The following NKAIN3 variants were observed in gnomAD, a reference collection of about 807,000 sequenced individuals.
NKAIN3 encodes sodium/potassium-transporting ATPase subunit beta-1-interacting protein 3.
In NKAIN3, 25 loss-of-function variants were observed where a neutral mutation model predicts 30.2. The ratio of observed to expected loss-of-function variants is 0.83; its 90% CI spans 0.60 to 1.16. NKAIN3 has a LOEUF of 1.16. Among genes scored for constraint, NKAIN3 ranks in the 50% most tolerant of loss-of-function variants. NKAIN3 has a pLI of 0.00. For missense variants in NKAIN3, 225 were observed against 254.1 expected (o/e 0.89, Z 0.78); for synonymous variants, 91 against 89.6 (o/e 1.02, Z -0.09).
chr8:62,511,981 G>T (rs1807824992), intron 1 of NKAIN3, among the ~76,000 whole-genome samples: 1 of 152,124 alleles, frequency 6.6e-6, no homozygotes, highest in Non-Finnish European at 1.5e-5. Context: ...AGTCATCTCT[G>T]TAAGAGCAGC....
intron 3 of NKAIN3, among the ~76,000 whole-genome samples, chr8:62,674,902 G>C (rs1333175070): frequency 6.6e-6 from 1 of 152,164 alleles, no homozygotes; most frequent in Non-Finnish European, 1.5e-5. Context: ...AATTAAAGTG[G>C]GGGACAGGTC....
At chr8:62,863,187 C>T in intron 4 of NKAIN3, 4 of 1,539,020 alleles carry the variant, frequency 2.6e-6, no homozygotes, top group Non-Finnish European at 3.6e-6. Flanking sequence ...ATTCTTCTAT[C>T]TCCTGCAGGC....
intron 3 of NKAIN3, among the ~76,000 whole-genome samples, chr8:62,714,337 G>GA (rs147395295): frequency 1.0e-4 from 15 of 149,016 alleles, no homozygotes; most frequent in Admixed American, 4.0e-4. Context: ...AAATAAAAAA[G>GA]AAAAAAAAAT....
chr8:62,464,767 G>A (rs1003021769), intron 1 of NKAIN3, among the ~76,000 whole-genome samples: 1 of 152,136 alleles, frequency 6.6e-6, no homozygotes, highest in Non-Finnish European at 1.5e-5. Context: ...GTTAAAAGTA[G>A]AATCTTTCTT....
In NKAIN3 at chr8:62,982,783, A is replaced by G. The variant is rs925682679; in HGVS notation, c.*17376A>G. The stretch of plus-strand genomic sequence containing the variant: ...TTTCACAGAAAAGAGAAGCATTTAT[A>G]GCAAGCATGGGTGTGGCATGCTTTC... On this transcript the variant is annotated 3_prime_UTR_variant, in exon 7 of 7. Transcript: ENST00000623646. 1 of 152,132 alleles carries G rather than the reference A, an allele frequency of 6.6e-6. No individual in the cohort carries two copies. The highest frequency in any genetic ancestry group is 6.5e-5 in the Admixed American group (1 of 15,280). 9.4% of individuals were successfully genotyped at this position (152,132 alleles called of 1,614,324 possible). A position where few individuals can be genotyped will look rare whatever the true frequency, so the allele number is the denominator to read the frequency against.
rs1469579974 is a variant in NKAIN3 at position 62,968,630 on chromosome 8, C to T, written c.*3223C>T. Among the ~76,000 whole-genome samples the T allele has an allele frequency of 6.6e-6, 1 of 152,194 alleles. No homozygotes were observed. The highest frequency in any genetic ancestry group is 2.4e-5 in the African/African-American group (1 of 41,446). ...AGATAGGACATCCACTGCTCTTTAG[C>T]TTCTAGTGCTGACTGGAATGGTGAA... On this transcript the variant is annotated 3_prime_UTR_variant, in exon 7 of 7. Transcript: ENST00000623646.
chr8:62,279,961 G>C (rs1813118157), intron 1 of NKAIN3, among the ~76,000 whole-genome samples: 1 of 152,108 alleles, frequency 6.6e-6, no homozygotes, highest in African/African-American at 2.4e-5. Context: ...AAATTACCTT[G>C]GGCAGTATGG....
rs528808333 is a variant in NKAIN3 at position 62,293,269 on chromosome 8, G to A, written c.54+44142G>A. 1.1e-4 allele frequency among the ~76,000 whole-genome samples: 17 copies of A among 152,260 alleles called. No individual in the cohort carries two copies. In the South Asian group the frequency reaches 1.2e-3, roughly 11 times the overall value. ...GTCATTCTCCGTCCAGCTTTGTTCC[G>A]TTGCTGGCGAGGAGCTGCGTTCCTT... On this transcript the variant is annotated intron_variant, in intron 1 of 6. Transcript: ENST00000623646.
chr8:62,881,704 T>C (rs1382763429), intron 4 of NKAIN3, among the ~76,000 whole-genome samples: 1 of 152,234 alleles, frequency 6.6e-6, no homozygotes, highest in Non-Finnish European at 1.5e-5. Flanking sequence ...AACAGCCATG[T>C]TCAGATTTTT....
At chr8:62,781,204 T>C (rs1194272805) in intron 4 of NKAIN3, among the ~76,000 whole-genome samples, 1 of 151,640 alleles carries the variant, frequency 6.6e-6, no homozygotes, top group Non-Finnish European at 1.5e-5. Context: ...AAATAAAATA[T>C]ATATGAATAA....
chr8:62,769,356 A>T (rs1431494621), intron 4 of NKAIN3, among the ~76,000 whole-genome samples: 1 of 152,230 alleles, frequency 6.6e-6, no homozygotes, highest in Non-Finnish European at 1.5e-5. Context: ...AATTCAAAAT[A>T]TCAATACATG....
intron 1 of NKAIN3, among the ~76,000 whole-genome samples, chr8:62,310,073 G>A (rs2129588581): frequency 6.6e-6 from 1 of 150,606 alleles, no homozygotes. Context: ...AGTGTAACTG[G>A]TTTGTTGCTG....
rs1165753604 is a variant in NKAIN3 at position 62,972,678 on chromosome 8, C to A, written c.*7271C>A. On this transcript the variant is annotated 3_prime_UTR_variant, in exon 7 of 7. Coordinates refer to ENST00000623646, the MANE Select transcript of NKAIN3 (RefSeq NM_001304533.3). ...ATATTCTCTATGATTTATTTACATT[C>A]TTTTTTCATATATATACTTTAAGTT... Among the ~76,000 whole-genome samples the A allele has an allele frequency of 2.6e-5, 4 of 151,992 alleles. No homozygotes were observed. The highest frequency in any genetic ancestry group is 9.7e-5 in the African/African-American group (4 of 41,380).
rs573169043 is a variant in NKAIN3 at position 62,797,313 on chromosome 8, A to G, written c.471+50184A>G. 3.3e-4 allele frequency among the ~76,000 whole-genome samples: 51 copies of G among 152,348 alleles called. 1 individual carries two copies. Among genetic ancestry groups the G allele is most frequent in the East Asian group, 3.1e-3 (16 of 5,196 alleles). ...CAAATAACAAATGGTAGAAATCCAC[A>G]TAATAGACTCCTTGGTCATAGGTGA... On this transcript the variant is annotated intron_variant, in intron 4 of 6. Transcript: ENST00000623646.
intron 1 of NKAIN3, among the ~76,000 whole-genome samples, chr8:62,363,684 G>T (rs1051572232): frequency 2.0e-5 from 3 of 152,102 alleles, no homozygotes; most frequent in Non-Finnish European, 4.4e-5. Context: ...AGAGAAAGGA[G>T]AAATAATTTA....
At chr8:62,900,531 T>A (rs78351320) in intron 4 of NKAIN3, among the ~76,000 whole-genome samples, 4,062 of 152,300 alleles carry the variant, frequency 0.027, 162 homozygotes, top group African/African-American at 0.082. Context: ...TTTGGGGACA[T>A]GTTAATTAAA....
intron 5 of NKAIN3, among the ~76,000 whole-genome samples, chr8:62,996,857 C>T (rs556576881): frequency 7.0e-4 from 107 of 152,204 alleles, no homozygotes; most frequent in Non-Finnish European, 1.4e-3. Flanking sequence ...GGGTGGGCTC[C>T]CATGGCCTTG....
intron 1 of NKAIN3, among the ~76,000 whole-genome samples, chr8:62,414,458 T>A (rs1229467299): frequency 6.6e-6 from 1 of 152,226 alleles, no homozygotes; most frequent in African/African-American, 2.4e-5. Context: ...TAGTGTATAA[T>A]CACCTCTTAA....
At chr8:62,502,165 TC>T (rs2129685420) in intron 1 of NKAIN3, among the ~76,000 whole-genome samples, 1 of 152,156 alleles carries the variant, frequency 6.6e-6, no homozygotes, top group East Asian at 1.9e-4. Flanking sequence ...TTCCTCCCTC[TC>T]TACTGCGTTC....
Sources: gnomAD v4.1 joint callset for allele counts (sites outside exome capture counted in the v4.1 genomes callset) on GRCh38, gnomAD v4.1.1 for gene constraint, MANE v1.5 for transcripts, NCBI Gene and HGNC (gene_info 2026-07-23, HGNC 2026-07-21) for gene names.